Variants in MTOR observed in about 807,000 individuals in gnomAD.
MTOR encodes the protein mechanistic target of rapamycin kinase.
In MTOR, 70 loss-of-function variants were observed where a neutral mutation model predicts 319.8. The ratio of observed to expected loss-of-function variants is 0.22; its 90% CI spans 0.18 to 0.27. The LOEUF (loss-of-function observed/expected upper bound fraction) is 0.27. Among genes scored for constraint, MTOR ranks in the 10% least tolerant of loss-of-function variants. MTOR has a pLI of 1.00. For missense variants in MTOR, 1,890 were observed against 3,274.4 expected, an observed-to-expected ratio of 0.58 and a Z score of 10.32; for synonymous variants, 1,183 against 1,211.4, an observed-to-expected ratio of 0.98 and a Z score of 0.49.
intron 50 of MTOR, 25 bp downstream of exon 50, chr1:11,116,979 A>G: frequency 1.9e-6 from 3 of 1,567,826 alleles, no homozygotes; most frequent in Non-Finnish European, 2.6e-6. Flanking sequence ...AAAGAAGACT[A>G]AAAAAACCAA....
intron 18 of MTOR, among the ~76,000 whole-genome samples, chr1:11,229,562 G>A (rs1251632466): frequency 2.6e-5 from 4 of 152,226 alleles, no homozygotes; most frequent in African/African-American, 9.6e-5. Context: ...GGGGCTGACA[G>A]AATGACATCA....
chr1:11,157,129 TG>T, intron 30 of MTOR, 22 bp downstream of exon 30: 1 of 1,576,204 alleles, frequency 6.3e-7, no homozygotes, highest in Non-Finnish European at 8.6e-7. Context: ...CAGCCACACA[TG>T]CCATCATTCT....
chr1:11,231,009 G>A lies in MTOR; in HGVS notation c.2695C>T (p.His899Tyr), dbSNP rs760949955. The A allele has an allele frequency of 6.2e-7, 1 of 1,614,152 alleles. No individual in the cohort carries two copies. The highest frequency in any genetic ancestry group is 8.5e-7 in the Non-Finnish European group (1 of 1,180,030). Reference protein sequence around the residue: ...GLLGALDPYKHKVNIGMIDQS... With the variant: ...GLLGALDPYKYKVNIGMIDQS... ...TCTATCATGCCAATGTTCACTTTGTGCTTGTAAGGATCCAAAGCCCCTAAA... is the reference window on the plus strand; with the variant it reads ...TCTATCATGCCAATGTTCACTTTGTACTTGTAAGGATCCAAAGCCCCTAAA... Residue 899 changes from histidine to tyrosine, a missense_variant, in exon 18 of 58, where the codon CAC (histidine) becomes TAC (tyrosine). Around this residue, in one of 15 missense-constraint regions of MTOR, gnomAD observed 377 missense variants for 653.9 expected, o/e 0.58. Transcript: ENST00000361445.
intron 28 of MTOR, among the ~76,000 whole-genome samples, chr1:11,188,454 A>G (rs1645393544): frequency 6.6e-6 from 1 of 152,178 alleles, no homozygotes; most frequent in African/African-American, 2.4e-5. Flanking sequence ...CTAGATATGG[A>G]TTTATTAGGT....
At chr1:11,114,573 G>A (rs1206484889) in intron 52 of MTOR, 120 bp from the exon 53 acceptor site, 1 of 1,405,796 alleles carries the variant, frequency 7.1e-7, no homozygotes. Context: ...GTATCAGGGT[G>A]AGAATGTCTT....
At chr1:11,209,556 C>A in intron 24 of MTOR, 98 bp from the exon 25 acceptor site, 2 of 1,416,852 alleles carry the variant, frequency 1.4e-6, no homozygotes, top group South Asian at 1.3e-5. Flanking sequence ...CCTGGTAGAG[C>A]CAGGATTTCA....
chr1:11,131,754 A>G (rs1643172250), intron 38 of MTOR: 1 of 152,250 alleles, frequency 6.6e-6, no homozygotes, highest in African/African-American at 2.4e-5. Flanking sequence ...GCTTCCAGGC[A>G]TGGTAACTTT....
chr1:11,147,436 T>C (rs1452054014), intron 31 of MTOR, among the ~76,000 whole-genome samples: 2 of 152,184 alleles, frequency 1.3e-5, no homozygotes, highest in African/African-American at 4.8e-5. Flanking sequence ...CTTCTCCTGG[T>C]GGGGTGAGTA....
At chr1:11,198,460 C>G (rs1251245718) in intron 28 of MTOR, among the ~76,000 whole-genome samples, 1 of 152,156 alleles carries the variant, frequency 6.6e-6, no homozygotes, top group Non-Finnish European at 1.5e-5. Context: ...GCTCTATCCT[C>G]CTTTGATAGA....
intron 30 of MTOR, among the ~76,000 whole-genome samples, chr1:11,154,408 T>C (rs1268935391): frequency 6.6e-6 from 1 of 151,628 alleles, no homozygotes; most frequent in African/African-American, 2.4e-5. Context: ...TGTTAATTTA[T>C]AAAAATAAAT....
chr1:11,236,527 G>GA (rs1393745390), intron 13 of MTOR, among the ~76,000 whole-genome samples: 1 of 56,136 alleles, frequency 1.8e-5, no homozygotes, highest in Non-Finnish European at 3.7e-5. Flanking sequence ...TTTTTTTTTT[G>GA]AGACAGAGTC....
rs1380988238 is a variant in MTOR at position 11,121,962 on chromosome 1, G to A, written c.6810+17C>T. ...TGCCACGGAAGGGGCACTAGCTCTCGTGGCCGCATCACATACCCGCAACAT... is the reference window on the plus strand; with the variant it reads ...TGCCACGGAAGGGGCACTAGCTCTCATGGCCGCATCACATACCCGCAACAT... On this transcript the variant is annotated intron_variant, in intron 48 of 57. Transcript: ENST00000361445. This position sits in a 1 kb window ranked among gnomAD's most constrained non-coding sequence, Gnocchi z 4.9. 9 of 1,613,334 alleles carry A rather than the reference G, an allele frequency of 5.6e-6. No homozygotes were observed. The highest frequency in any genetic ancestry group is 1.3e-5 in the African/African-American group (1 of 75,054).
intron 47 of MTOR, 90 bp downstream of exon 47, chr1:11,124,407 TG>T (rs1642711049): frequency 1.4e-6 from 2 of 1,476,630 alleles, no homozygotes; most frequent in East Asian, 2.3e-5. Flanking sequence ...TATAGTTTTT[TG>T]TTAAGATATA....
intron 50 of MTOR, among the ~76,000 whole-genome samples, chr1:11,116,333 G>A (rs540852427): frequency 6.6e-6 from 1 of 151,992 alleles, no homozygotes; most frequent in Non-Finnish European, 1.5e-5. Flanking sequence ...TTTTTTCTTT[G>A]AGACAGAGTC....
chr1:11,189,642 C>T, intron 28 of MTOR: 1 of 1,614,082 alleles, frequency 6.2e-7, no homozygotes, highest in Non-Finnish European at 8.5e-7. Context: ...CCTTTGTCAG[C>T]CACCCAGCGT....
chr1:11,220,047 A>AG (rs2100820836), intron 19 of MTOR, among the ~76,000 whole-genome samples: 1 of 41,316 alleles, frequency 2.4e-5, no homozygotes, highest in South Asian at 1.2e-3. Context: ...AAAAAAAAAG[A>AG]AAAGAAAAGA....
intron 53 of MTOR, 53 bp downstream of exon 53, chr1:11,114,265 G>T (rs2100313480): frequency 6.2e-7 from 1 of 1,602,276 alleles, no homozygotes; most frequent in Non-Finnish European, 8.5e-7. Flanking sequence ...AAAATGTTAG[G>T]ATTACAGGTG....
intron 29 of MTOR, among the ~76,000 whole-genome samples, chr1:11,160,112 A>ATTTATTTATTT (rs1644430958): frequency 6.6e-6 from 1 of 150,804 alleles, no homozygotes; most frequent in Non-Finnish European, 1.5e-5. Context: ...TTATTTATTT[A>ATTTATTTATTT]ATTTTGAGGC....
chr1:11,254,600 T>A (rs1046298174), intron 5 of MTOR, among the ~76,000 whole-genome samples: 59 of 151,852 alleles, frequency 3.9e-4, no homozygotes, highest in Non-Finnish European at 8.7e-4. Flanking sequence ...TCAGAGCTCT[T>A]TTTCTAATAT....
Sources: allele counts gnomAD v4.1 joint callset (sites outside exome capture counted in the v4.1 genomes callset), GRCh38; gene constraint gnomAD v4.1.1; regional missense constraint gnomAD v4.1.1; non-coding constraint Gnocchi (gnomAD v3.1); transcripts MANE v1.5; gene names NCBI Gene and HGNC (gene_info 2026-07-23, HGNC 2026-07-21).